The following C5orf24 variants were observed in gnomAD, a reference collection of about 807,000 sequenced individuals.
C5orf24 encodes UPF0461 protein C5orf24.
In C5orf24, 4 loss-of-function variants were observed where a neutral mutation model predicts 9.8. The ratio of observed to expected loss-of-function variants is 0.41; its 90% CI spans 0.20 to 0.93. C5orf24 has a LOEUF of 0.93. Among genes scored for constraint, C5orf24 ranks in the 40% least tolerant of loss-of-function variants. C5orf24 has a pLI of 0.33. For synonymous variants in C5orf24, 73 were observed against 81.3 expected (o/e 0.90, Z 0.55); for missense variants, 170 against 236.9 (o/e 0.72, Z 1.85).
At position 134,857,956 on chromosome 5, in the gene C5orf24, C is replaced by T. The variant is rs1239625519; in HGVS notation, c.*2489C>T. On this transcript the variant is annotated 3_prime_UTR_variant, in exon 2 of 2. Transcript: ENST00000394976. ...TGCCTTTCGTACATTCATTCCTCTT[C>T]CTCTACCCTCCAGCACATCTACTTA... 1 of 167,086 alleles carries T rather than the reference C, an allele frequency of 6.0e-6. No individual in the cohort carries two copies. Among genetic ancestry groups the T allele is most frequent in the Non-Finnish European group, 1.5e-5 (1 of 68,144 alleles). 10.4% of individuals were successfully genotyped at this position (167,086 alleles called of 1,614,324 possible).
upstream of C5orf24, among the ~76,000 whole-genome samples, chr5:134,842,512 A>G (rs146525140): frequency 3.9e-5 from 6 of 152,048 alleles, no homozygotes; most frequent in South Asian, 2.1e-4. Flanking sequence ...AAAAAAAGCT[A>G]AAGTCAACAT....
rs925987283 is a variant in C5orf24, at chr5:134,857,147, C to A, written c.*1680C>A. ...GTTCTAAATAAAATATTATAAACTT[C>A]AGACTTGAAAAAATTCCACTTAACT... On this transcript the variant is annotated 3_prime_UTR_variant, in exon 2 of 2. Transcript: ENST00000394976. 1 of 1,300,596 alleles carries A rather than the reference C, an allele frequency of 7.7e-7. No individual in the cohort carries two copies. Among genetic ancestry groups the A allele is most frequent in the African/African-American group, 1.5e-5 (1 of 66,342 alleles). The allele number at this position is 1,300,596 out of a possible 1,614,324, so 80.6% of individuals were successfully genotyped here. A position where few individuals can be genotyped will look rare whatever the true frequency, so the allele number is the denominator to read the frequency against.
chr5:134,854,711 GAGA>G (rs1240661737), intron 1 of C5orf24, among the ~76,000 whole-genome samples, 184 bp from the exon 2 acceptor site: 1 of 152,170 alleles, frequency 6.6e-6, no homozygotes, highest in Admixed American at 6.5e-5. Flanking sequence ...TGATTAAATT[GAGA>G]AGAAGTGTCC....
At chr5:134,853,384 G>A (rs1192615677) in intron 1 of C5orf24, among the ~76,000 whole-genome samples, 2 of 144,590 alleles carry the variant, frequency 1.4e-5, no homozygotes, top group South Asian at 2.2e-4. Flanking sequence ...AAAAAAACCT[G>A]TCATTTCCTC....
In C5orf24 at chr5:134,857,675, CAT is replaced by C. The variant is rs1756349416; in HGVS notation, c.*2211_*2212del. 3.0e-6 allele frequency: 1 copy of C among 328,636 alleles called. No individual in the cohort carries two copies. Among genetic ancestry groups the C allele is most frequent in the Non-Finnish European group, 5.7e-6 (1 of 175,380 alleles). The allele number at this position is 328,636 out of a possible 1,614,324, so 20.4% of individuals were successfully genotyped here. A position where few individuals can be genotyped will look rare whatever the true frequency, so the allele number is the denominator to read the frequency against. ...ACACACAAATGCTTGCCTCTTTATTCATATGTTCGTTACCTACTCTGTACATG... is the reference window on the plus strand; with the variant it reads ...ACACACAAATGCTTGCCTCTTTATTCATGTTCGTTACCTACTCTGTACATG... On this transcript the variant is annotated 3_prime_UTR_variant, in exon 2 of 2. Transcript: ENST00000394976.
In C5orf24 at chr5:134,858,490, C is replaced by T. The variant is rs2150178371; in HGVS notation, c.*3023C>T. 6.0e-6 allele frequency: 1 copy of T among 167,042 alleles called. No homozygotes were observed. The highest frequency in any genetic ancestry group is 2.1e-4 in the South Asian group (1 of 4,828). The allele number at this position is 167,042 out of a possible 1,614,324, so 10.3% of individuals were successfully genotyped here. On this transcript the variant is annotated 3_prime_UTR_variant, in exon 2 of 2. Transcript: ENST00000394976. ...TGGGGAAAACTGGCCTTTTCTCCCC[C>T]ACTGTATGATTGTTTCTTGAAAGGT...
chr5:134,846,760 AAGG>A (rs1756007415), intron 1 of C5orf24: 1 of 152,180 alleles, frequency 6.6e-6, no homozygotes, highest in Non-Finnish European at 1.5e-5. Context: ...GAAGAAGACA[AAGG>A]AGGCCGTTAT....
chr5:134,836,820 G>A, the C5orf24 span, among the ~76,000 whole-genome samples: 4 of 152,134 alleles, frequency 2.6e-5, no homozygotes, highest in African/African-American at 9.7e-5. Context: ...GGGATTGCGG[G>A]CATGAGCCAC....
rs988604918 is a variant in C5orf24 at position 134,858,276 on chromosome 5, G to C, written c.*2809G>C. On this transcript the variant is annotated 3_prime_UTR_variant, in exon 2 of 2. Coordinates refer to ENST00000394976, the MANE Select transcript of C5orf24 (RefSeq NM_001135586.1). ...CCACTTACTTTTCTCCCTGTGAACAGTTTACCGGTGCCATGCTGAAGAGAA... is the reference window on the plus strand; with the variant it reads ...CCACTTACTTTTCTCCCTGTGAACACTTTACCGGTGCCATGCTGAAGAGAA... 7 of 167,046 alleles carry C rather than the reference G, an allele frequency of 4.2e-5. No individual in the cohort carries two copies. Among genetic ancestry groups the C allele is most frequent in the Admixed American group, 2.6e-4 (4 of 15,270 alleles). 10.3% of individuals were successfully genotyped at this position (167,046 alleles called of 1,614,324 possible).
chr5:134,856,321 C>T lies in C5orf24; in HGVS notation c.*854C>T. On this transcript the variant is annotated 3_prime_UTR_variant, in exon 2 of 2. Transcript: ENST00000394976. ...TGTAGCTATAGTCACTATATTTTGCCTTTCATATAGAAAGTTTTAAAGTAT... is the reference window on the plus strand; with the variant it reads ...TGTAGCTATAGTCACTATATTTTGCTTTTCATATAGAAAGTTTTAAAGTAT... 1 of 994,354 alleles carries T rather than the reference C, an allele frequency of 1.0e-6. No homozygotes were observed. Among genetic ancestry groups the T allele is most frequent in the Non-Finnish European group, 1.2e-6 (1 of 825,028 alleles). The allele number at this position is 994,354 out of a possible 1,614,324, so 61.6% of individuals were successfully genotyped here. A position where few individuals can be genotyped will look rare whatever the true frequency, so the allele number is the denominator to read the frequency against.
rs1267376435 is a variant in C5orf24, at chr5:134,855,647, T to C, written c.*180T>C. On this transcript the variant is annotated 3_prime_UTR_variant, in exon 2 of 2. Transcript: ENST00000394976. ...TATGCTGACAGATGCACTCAGGGCA[T>C]GAGCAGCGGCATTGTATTTGTACAT... The C allele has an allele frequency of 1.4e-6, 2 of 1,461,522 alleles. No homozygotes were observed. The highest frequency in any genetic ancestry group is 1.4e-5 in the African/African-American group (1 of 69,812). The allele number at this position is 1,461,522 out of a possible 1,614,324, so 90.5% of individuals were successfully genotyped here. A position where few individuals can be genotyped will look rare whatever the true frequency, so the allele number is the denominator to read the frequency against.
At position 134,856,050 on chromosome 5, in the gene C5orf24, C is replaced by T; in HGVS notation, c.*583C>T. ...AAGCAGCTTGTAATTTATTGATCTACATGGCATTAATTGATTTAACCATTA... is the reference window on the plus strand; with the variant it reads ...AAGCAGCTTGTAATTTATTGATCTATATGGCATTAATTGATTTAACCATTA... On this transcript the variant is annotated 3_prime_UTR_variant, in exon 2 of 2. Coordinates refer to ENST00000394976, the MANE Select transcript of C5orf24 (RefSeq NM_001135586.1). The T allele has an allele frequency of 1.0e-6, 1 of 1,001,480 alleles. No homozygotes were observed. The highest frequency in any genetic ancestry group is 1.2e-6 in the Non-Finnish European group (1 of 830,940). 62.0% of individuals were successfully genotyped at this position (1,001,480 alleles called of 1,614,324 possible).
At chr5:134,850,333 G>A (rs1026729618) in intron 1 of C5orf24, among the ~76,000 whole-genome samples, 1 of 151,584 alleles carries the variant, frequency 6.6e-6, no homozygotes, top group Non-Finnish European at 1.5e-5. Context: ...TTTTAGTAGA[G>A]ATGGGGTTTC....
chr5:134,847,892 T>G (rs1001526305), intron 1 of C5orf24, among the ~76,000 whole-genome samples: 9 of 151,992 alleles, frequency 5.9e-5, no homozygotes, highest in African/African-American at 2.2e-4. Flanking sequence ...GAGAGAGGGT[T>G]TCGCTGTGTT....
rs1561888689 is a variant in C5orf24 at position 134,855,494 on chromosome 5, TAGA to T, written c.*30_*32del. ...TGAGGCAGGAAAAGAGGGCCAGGTT[TAGA>T]AGGAAGATTGTGAATAATCCCAAAG... On this transcript the variant is annotated 3_prime_UTR_variant, in exon 2 of 2. Coordinates refer to ENST00000394976, the MANE Select transcript of C5orf24 (RefSeq NM_001135586.1). 6.2e-7 allele frequency: 1 copy of T among 1,610,952 alleles called. No individual in the cohort carries two copies. Among genetic ancestry groups the T allele is most frequent in the Admixed American group, 1.7e-5 (1 of 58,538 alleles).
chr5:134,842,030 ATAGAATTT>A (rs1755900405), upstream of C5orf24, among the ~76,000 whole-genome samples: 7 of 152,288 alleles, frequency 4.6e-5, no homozygotes, highest in South Asian at 1.4e-3. Context: ...TTAGAAGTTT[ATAGAATTT>A]TAGAATTTTA....
rs750950317 is a variant in C5orf24 at position 134,855,140 on chromosome 5, A to G, written c.240A>G (p.Lys80=). The G allele has an allele frequency of 6.2e-7, 1 of 1,614,148 alleles. No individual in the cohort carries two copies. Among genetic ancestry groups the G allele is most frequent in the Non-Finnish European group, 8.5e-7 (1 of 1,180,028 alleles). ...RSIEIKDELK[K]KKNLNRSGKR... ...TAGAAATAAAAGATGAACTAAAGAA[A>G]AAGAAGAATCTCAACCGATCTGGTA... Residue 80 remains lysine (K), a synonymous_variant, in exon 2 of 2, where the codon AAA becomes AAG. Transcript: ENST00000394976.
chr5:134,852,192 G>A (rs201990119), intron 1 of C5orf24, among the ~76,000 whole-genome samples: 1 of 152,140 alleles, frequency 6.6e-6, no homozygotes, highest in Admixed American at 6.5e-5. Context: ...CGCCTGCCTC[G>A]GCCTCCCAAA....
In C5orf24 at chr5:134,855,658, A is replaced by G. The variant is rs1265466220; in HGVS notation, c.*191A>G. On this transcript the variant is annotated 3_prime_UTR_variant, in exon 2 of 2. Transcript: ENST00000394976. Reference sequence around the variant, plus strand: ...ATGCACTCAGGGCATGAGCAGCGGCATTGTATTTGTACATAGGTTCAAGTG... The same window carrying G: ...ATGCACTCAGGGCATGAGCAGCGGCGTTGTATTTGTACATAGGTTCAAGTG... 2 of 1,454,452 alleles carry G rather than the reference A, an allele frequency of 1.4e-6. No homozygotes were observed. The highest frequency in any genetic ancestry group is 2.9e-5 in the Admixed American group (1 of 34,368). 90.1% of individuals were successfully genotyped at this position (1,454,452 alleles called of 1,614,324 possible). A position where few individuals can be genotyped will look rare whatever the true frequency, so the allele number is the denominator to read the frequency against.
Sources: gnomAD v4.1 joint callset for allele counts (sites outside exome capture counted in the v4.1 genomes callset) on GRCh38, gnomAD v4.1.1 for gene constraint, MANE v1.5 for transcripts, NCBI Gene and HGNC (gene_info 2026-07-23, HGNC 2026-07-21) for gene names.